LANCL1: variants seen among roughly 807,000 people sequenced by gnomAD.
LANCL1 encodes the protein LanC like glutathione S-transferase 1.
A neutral mutation model predicts 50.6 loss-of-function variants in LANCL1; 50 were observed. The observed-to-expected ratio is 0.99, with a 90% CI of 0.79 to 1.25. The LOEUF (loss-of-function observed/expected upper bound fraction) is 1.25. Ranked by LOEUF, LANCL1 falls within the 50% of genes most tolerant of loss-of-function variation. The pLI is 0.00. For missense variants in LANCL1, 532 were observed against 480.7 expected (o/e 1.11, Z -1.00); for synonymous variants, 188 against 178.6 (o/e 1.05, Z -0.42).
intron 3 of LANCL1, among the ~76,000 whole-genome samples, chr2:210,464,555 G>A (rs943068023): frequency 2.0e-5 from 3 of 151,708 alleles, no homozygotes; most frequent in Admixed American, 6.6e-5. Context: ...CAGAAATATC[G>A]AAAAAATTAA....
At chr2:210,476,799 GT>G (rs1384626938), upstream of LANCL1, 1 of 1,009,928 alleles carries the variant, frequency 9.9e-7, no homozygotes, top group East Asian at 1.0e-4. Context: ...AGCCTTCGCC[GT>G]TCCCGAGACC....
intron 3 of LANCL1, among the ~76,000 whole-genome samples, chr2:210,463,842 C>T (rs1303043797): frequency 6.6e-6 from 1 of 152,056 alleles, no homozygotes; most frequent in Non-Finnish European, 1.5e-5. Flanking sequence ...TTTACCTCTG[C>T]TGTGAATAAA....
At chr2:210,464,493 T>C (rs1000993426) in intron 3 of LANCL1, among the ~76,000 whole-genome samples, 6 of 152,126 alleles carry the variant, frequency 3.9e-5, no homozygotes, top group African/African-American at 7.2e-5. Context: ...GTGGAAACTT[T>C]TTTGGGCTTC....
At chr2:210,437,915 A>C (rs1692991100) in intron 6 of LANCL1, 43 bp from the exon 7 acceptor site, 3 of 1,427,392 alleles carry the variant, frequency 2.1e-6, no homozygotes, top group East Asian at 2.4e-5. Context: ...GAAGCAAATA[A>C]ACCTTCCTAG....
At chr2:210,461,355 C>T (rs1420535375) in intron 3 of LANCL1, among the ~76,000 whole-genome samples, 3 of 145,258 alleles carry the variant, frequency 2.1e-5, no homozygotes, top group Non-Finnish European at 4.6e-5. Flanking sequence ...GGACACTTGG[C>T]CAGGGCTCAA....
chr2:210,434,895 T>C (rs992411938), intron 9 of LANCL1, among the ~76,000 whole-genome samples: 3 of 151,982 alleles, frequency 2.0e-5, no homozygotes, highest in Non-Finnish European at 2.9e-5. Flanking sequence ...ATTACAATAT[T>C]AACGGCAATG....
At position 210,436,233 on chromosome 2, in the gene LANCL1, G is replaced by A. The variant is rs374467548; in HGVS notation, c.1033C>T (p.Leu345=). 3.7e-6 allele frequency: 6 copies of A among 1,613,722 alleles called. No individual in the cohort carries two copies. In the African/African-American group the frequency reaches 8.0e-5, roughly 22 times the overall value. Residue 345 remains leucine, a synonymous_variant, in exon 8 of 10, where the codon CTG becomes TTG. Transcript: ENST00000450366. ...LYNLTQDMKY[L]YRACKFAEWC... ...ACTCCTACCTTACAGGCCCTATACA[G>A]GTACTTCATGTCCTGTGTGAGGTTG...
chr2:210,467,842 G>A (rs1227189983), intron 3 of LANCL1, among the ~76,000 whole-genome samples: 1 of 152,138 alleles, frequency 6.6e-6, no homozygotes, highest in Admixed American at 6.5e-5. Context: ...CCATGAATGA[G>A]GTATTAAGAA....
chr2:210,444,808 G>A (rs1367430087), intron 4 of LANCL1, among the ~76,000 whole-genome samples: 2 of 151,976 alleles, frequency 1.3e-5, no homozygotes, highest in African/African-American at 4.8e-5. Flanking sequence ...CTTATGGATA[G>A]AATTATGGGC....
rs562369667 is a variant in LANCL1, at chr2:210,455,176, G to A, written c.338C>T (p.Pro113Leu). 1.2e-6 allele frequency: 2 copies of A among 1,613,718 alleles called. No homozygotes were observed. The highest frequency in any genetic ancestry group is 1.7e-5 in the Admixed American group (1 of 59,950). ...SITFLCGDAGPLAVAAVLYHK... is the reference protein window; with the variant it reads ...SITFLCGDAGLLAVAAVLYHK... ...ATATAGCACAGCGGCCACTGCCAGGGGGCCTGCATCCCCACAAAGGAAGGT... is the reference window on the plus strand; with the variant it reads ...ATATAGCACAGCGGCCACTGCCAGGAGGCCTGCATCCCCACAAAGGAAGGT... Residue 113 changes from proline to leucine, a missense_variant, in exon 4 of 10, where the codon CCC becomes CTC. Pro to Leu is a moderately conservative substitution (Grantham distance 98). Transcript: ENST00000450366.
chr2:210,465,236 G>C (rs1185578338), intron 3 of LANCL1, among the ~76,000 whole-genome samples: 24 of 152,310 alleles, frequency 1.6e-4, no homozygotes, highest in Non-Finnish European at 4.4e-5. Context: ...TCACAGGAAA[G>C]AGTAATCTCT....
intron 3 of LANCL1, among the ~76,000 whole-genome samples, chr2:210,466,153 C>G (rs73071704): frequency 0.084 from 12,809 of 152,082 alleles, 1,286 homozygotes; most frequent in African/African-American, 0.25. Flanking sequence ...GTAGGGACTG[C>G]CTTTTAAAGT....
chr2:210,443,584 G>A (rs1015027906), intron 4 of LANCL1, among the ~76,000 whole-genome samples: 4 of 152,174 alleles, frequency 2.6e-5, no homozygotes, highest in East Asian at 3.9e-4. Context: ...AGAAATTATC[G>A]TGTTTATCTA....
chr2:210,441,236 A>T (rs1214376321), intron 5 of LANCL1, 72 bp downstream of exon 5: 2 of 1,471,402 alleles, frequency 1.4e-6, no homozygotes, highest in Non-Finnish European at 1.9e-6. Flanking sequence ...ACAGAGACAT[A>T]AACAATAGTT....
upstream of LANCL1, chr2:210,476,863 G>T: frequency 1.0e-6 from 1 of 964,196 alleles, no homozygotes; most frequent in South Asian, 4.7e-5. Context: ...AATTTCTAAA[G>T]GATAACGCAG....
chr2:210,442,179 T>C (rs182357479), intron 4 of LANCL1, among the ~76,000 whole-genome samples: 8 of 152,152 alleles, frequency 5.3e-5, no homozygotes, highest in Admixed American at 2.0e-4. Context: ...GCTGGGATTA[T>C]AGGTGTGAGC....
At chr2:210,445,456 GT>G (rs1693291438) in intron 4 of LANCL1, among the ~76,000 whole-genome samples, 1 of 152,084 alleles carries the variant, frequency 6.6e-6, no homozygotes, top group Non-Finnish European at 1.5e-5. Flanking sequence ...AAACAATACA[GT>G]TTAGGGTAAT....
At chr2:210,465,564 G>A (rs1207501285) in intron 3 of LANCL1, among the ~76,000 whole-genome samples, 1 of 152,204 alleles carries the variant, frequency 6.6e-6, no homozygotes, top group African/African-American at 2.4e-5. Context: ...TAGTGAAACT[G>A]CAGTACATAT....
chr2:210,470,536 T>C (rs988896618), intron 3 of LANCL1, among the ~76,000 whole-genome samples: 1 of 152,158 alleles, frequency 6.6e-6, no homozygotes, highest in Non-Finnish European at 1.5e-5. Context: ...TATTTACCAG[T>C]TGAGTATCCC....
Sources: allele counts gnomAD v4.1 joint callset (sites outside exome capture counted in the v4.1 genomes callset), GRCh38; gene constraint gnomAD v4.1.1; transcripts MANE v1.5; gene names NCBI Gene and HGNC (gene_info 2026-07-23, HGNC 2026-07-21).